The following SORCS3 variants were observed in gnomAD, a reference collection of about 807,000 sequenced individuals.
SORCS3 encodes sortilin related VPS10 domain containing receptor 3.
Under a neutral mutation model 146.3 loss-of-function variants are expected in SORCS3, and 57 were observed. The ratio of observed to expected loss-of-function variants is 0.39; its 90% confidence interval spans 0.31 to 0.49. SORCS3 has a LOEUF of 0.49. Among genes scored for constraint, SORCS3 ranks in the 20% least tolerant of loss-of-function variants. The pLI, the probability that SORCS3 is intolerant of heterozygous loss-of-function variation, is 0.92. For synonymous variants in SORCS3, 653 were observed against 618.5 expected (o/e 1.06, Z -0.83); for missense variants, 1,341 against 1,575.5 (o/e 0.85, Z 2.52).
chr10:105,157,328 C>A, intron 10 of SORCS3, 44 bp downstream of exon 10: 1 of 1,606,410 alleles, frequency 6.2e-7, no homozygotes. Flanking sequence ...GCAGGCTGGC[C>A]ACCTGCAGAA....
Position 104,720,736 on chromosome 10 carries a change from G to A in SORCS3, c.627+78782G>A, listed in dbSNP as rs568866985. On this transcript the variant is annotated intron_variant, in intron 1 of 26. Coordinates refer to ENST00000369701, the MANE Select transcript of SORCS3 (RefSeq NM_014978.3). ...TTTCTCTGATGGCCAGTGATGATGA[G>A]CATTTTTCCATGTGTCTGTTGGCTG... Among the ~76,000 whole-genome samples, 197 of 152,308 alleles carry A rather than the reference G, an allele frequency of 1.3e-3. 2 individuals carry two copies. The highest frequency in any genetic ancestry group is 4.6e-3 in the African/African-American group (190 of 41,560).
intron 1 of SORCS3, among the ~76,000 whole-genome samples, chr10:104,758,498 G>A (rs1247116941): frequency 6.6e-6 from 1 of 152,156 alleles, no homozygotes; most frequent in Non-Finnish European, 1.5e-5. Context: ...GGGAGAGTCT[G>A]TAGGGGCCAT....
intron 6 of SORCS3, among the ~76,000 whole-genome samples, chr10:105,091,570 C>T (rs1002389190): frequency 4.0e-5 from 6 of 148,254 alleles, no homozygotes; most frequent in African/African-American, 1.5e-4. Context: ...CCTTCCCTTC[C>T]TCCTTCCTTA....
intron 4 of SORCS3, among the ~76,000 whole-genome samples, chr10:105,017,206 T>C (rs992588366): frequency 6.6e-6 from 1 of 151,838 alleles, no homozygotes; most frequent in African/African-American, 2.4e-5. Context: ...GATTATACAA[T>C]TGGGGTTTGT....
chr10:104,733,885 C>T (rs114410224), intron 1 of SORCS3, among the ~76,000 whole-genome samples: 212 of 152,140 alleles, frequency 1.4e-3, no homozygotes, highest in African/African-American at 4.8e-3. Flanking sequence ...CCCCTCGGAA[C>T]GAAAAGATGG....
chr10:104,699,568 A>G (rs145253507), intron 1 of SORCS3, among the ~76,000 whole-genome samples: 2,163 of 152,284 alleles, frequency 0.014, 45 homozygotes, highest in African/African-American at 0.045. Context: ...AGATCTTTGA[A>G]AAGACCTTAG....
At chr10:105,003,156 T>G (rs536105747) in intron 4 of SORCS3, among the ~76,000 whole-genome samples, 1 of 152,272 alleles carries the variant, frequency 6.6e-6, no homozygotes, top group East Asian at 1.9e-4. Context: ...GTGGGAGAAT[T>G]AAATCATTTA....
intron 16 of SORCS3, among the ~76,000 whole-genome samples, chr10:105,207,801 A>G (rs922480081): frequency 6.6e-6 from 1 of 152,198 alleles, no homozygotes. Context: ...AAATTACTGC[A>G]TTGCTGACAG....
intron 25 of SORCS3, among the ~76,000 whole-genome samples, chr10:105,260,751 G>T (rs966616363): frequency 1.3e-5 from 2 of 152,142 alleles, no homozygotes; most frequent in Non-Finnish European, 1.5e-5. Context: ...TTGGCACAAG[G>T]ACAACAAAGT....
At chr10:104,653,355 A>ACTGATTTC (rs1206262233) in intron 1 of SORCS3, among the ~76,000 whole-genome samples, 1 of 152,126 alleles carries the variant, frequency 6.6e-6, no homozygotes, top group Non-Finnish European at 1.5e-5. Context: ...TCTAATTTGT[A>ACTGATTTC]CTGATTTCTT....
At chr10:104,928,735 G>A (rs2019176284) in intron 3 of SORCS3, among the ~76,000 whole-genome samples, 1 of 152,150 alleles carries the variant, frequency 6.6e-6, no homozygotes, top group Non-Finnish European at 1.5e-5. Context: ...TGGGTTTGAA[G>A]CCAGCAAGTC....
Position 104,883,376 on chromosome 10 carries a change from G to A in SORCS3, c.696-32457G>A, listed in dbSNP as rs182843081. 3.3e-5 allele frequency among the ~76,000 whole-genome samples: 5 copies of A among 152,278 alleles called. No individual in the cohort carries two copies. The East Asian group carries it at 5.8e-4, about 18-fold the overall frequency. On this transcript the variant is annotated intron_variant, in intron 2 of 26. Coordinates refer to ENST00000369701, the MANE Select transcript of SORCS3 (RefSeq NM_014978.3). The stretch of plus-strand genomic sequence containing the variant: ...GGCTATTGGTGAATGGAGACACTGC[G>A]GCTTCTTTCTGTAGATGGTGTCATT...
intron 1 of SORCS3, among the ~76,000 whole-genome samples, chr10:104,801,440 A>G (rs1437294783): frequency 6.6e-6 from 1 of 152,188 alleles, no homozygotes; most frequent in African/African-American, 2.4e-5. Flanking sequence ...ATGTCTACTT[A>G]TCAGTGTAAT....
In SORCS3 at chr10:105,245,679, A is replaced by G. The variant is rs1410797267; in HGVS notation, c.2992+14A>G. 1.2e-6 allele frequency: 2 copies of G among 1,613,330 alleles called. No individual in the cohort carries two copies. On this transcript the variant is annotated intron_variant, in intron 21 of 26. Transcript: ENST00000369701. Reference sequence around the variant, plus strand: ...TTGCAGTTCATGGTAAGCCCTGAAAATTGTTCTGTGATGCTCCTTCCCGCT... The same window carrying G: ...TTGCAGTTCATGGTAAGCCCTGAAAGTTGTTCTGTGATGCTCCTTCCCGCT...
chr10:104,975,032 C>T (rs1266613305), intron 3 of SORCS3, among the ~76,000 whole-genome samples: 1 of 152,132 alleles, frequency 6.6e-6, no homozygotes, highest in African/African-American at 2.4e-5. Flanking sequence ...CCCCCACTCT[C>T]TTCTGACTTG....
At chr10:104,854,419 AT>A (rs2018307222) in intron 2 of SORCS3, among the ~76,000 whole-genome samples, 2 of 152,210 alleles carry the variant, frequency 1.3e-5, no homozygotes, top group African/African-American at 2.4e-5. Flanking sequence ...ATATAACTGA[AT>A]ATTCACAGGC....
chr10:104,755,630 G>A (rs1356732125), intron 1 of SORCS3, among the ~76,000 whole-genome samples: 1 of 152,178 alleles, frequency 6.6e-6, no homozygotes, highest in Non-Finnish European at 1.5e-5. Context: ...GATTTACATA[G>A]GAGTGAGGAC....
intron 18 of SORCS3, 50 bp from the exon 19 acceptor site, chr10:105,216,883 TAGG>T: frequency 1.3e-6 from 2 of 1,577,812 alleles, no homozygotes; most frequent in East Asian, 4.5e-5. Flanking sequence ...AAGCATCAGA[TAGG>T]AGTCTGGCTG....
At chr10:104,877,779 C>A (rs181440160) in intron 2 of SORCS3, among the ~76,000 whole-genome samples, 3 of 152,304 alleles carry the variant, frequency 2.0e-5, no homozygotes, top group Admixed American at 6.5e-5. Flanking sequence ...TAGAGTATTT[C>A]TTCCCTATGG....
Sources: gnomAD v4.1 joint callset for allele counts (sites outside exome capture counted in the v4.1 genomes callset) on GRCh38, gnomAD v4.1.1 for gene constraint, MANE v1.5 for transcripts, NCBI Gene and HGNC (gene_info 2026-07-23, HGNC 2026-07-21) for gene names.